Variants in ST8SIA6 observed in about 807,000 individuals in gnomAD.
ST8SIA6 encodes alpha-2,8-sialyltransferase 8F.
ST8SIA6 carries 39 observed loss-of-function variants against 33.6 expected under a neutral mutation model. The observed-to-expected ratio is 1.16, with a 90% CI of 0.90 to 1.52. The LOEUF (loss-of-function observed/expected upper bound fraction) is 1.52. Among genes scored for constraint, ST8SIA6 ranks in the 40% most tolerant of loss-of-function variants. ST8SIA6 has a pLI of 0.00. For missense variants in ST8SIA6, 441 were observed against 443.8 expected (o/e 0.99, Z 0.06); for synonymous variants, 172 against 167.2 (o/e 1.03, Z -0.22).
Position 17,321,251 on chromosome 10 carries a change from G to A in ST8SIA6, c.824C>T (p.Ala275Val). 6.2e-7 allele frequency: 1 copy of A among 1,613,932 alleles called. No homozygotes were observed. Among genetic ancestry groups the A allele is most frequent in the African/African-American group, 1.3e-5 (1 of 75,000 alleles). The stretch of plus-strand genomic sequence containing the variant: ...TACTTTGAAAGAGGTACCCGTGTTG[G>A]CCCTGAAGGAAAATGCTGGCAGAAG... The part of the protein sequence containing the change: ...FFLLPAFSFR[A>V]NTGTSFKVYY... Residue 275 changes from alanine (A) to valine (V), a missense_variant, in exon 8 of 8, where the codon GCC (alanine) becomes GTC (valine). By Grantham distance (64) the Ala-to-Val change is moderately conservative. Coordinates refer to ENST00000377602, the MANE Select transcript of ST8SIA6 (RefSeq NM_001004470.3).
intron 4 of ST8SIA6, among the ~76,000 whole-genome samples, chr10:17,338,734 C>T (rs1008568544): frequency 1.3e-5 from 2 of 152,176 alleles, no homozygotes; most frequent in East Asian, 1.9e-4. Flanking sequence ...GAACAATGCA[C>T]CCTAAAATAA....
chr10:17,334,887 C>A (rs952680294), intron 4 of ST8SIA6, among the ~76,000 whole-genome samples: 1 of 152,134 alleles, frequency 6.6e-6, no homozygotes, highest in African/African-American at 2.4e-5. Context: ...TATTTCATTT[C>A]TTTAATTCTC....
chr10:17,409,001 T>C (rs530376715), intron 2 of ST8SIA6, among the ~76,000 whole-genome samples: 1 of 151,962 alleles, frequency 6.6e-6, no homozygotes, highest in South Asian at 2.1e-4. Flanking sequence ...CAGGCTGGTC[T>C]CAAACTCCCA....
chr10:17,377,323 C>T (rs1293920472), intron 3 of ST8SIA6, among the ~76,000 whole-genome samples: 1 of 152,168 alleles, frequency 6.6e-6, no homozygotes, highest in African/African-American at 2.4e-5. Flanking sequence ...ACTTGGTCTG[C>T]CTCCACCCAG....
chr10:17,440,583 A>G (rs1262112887), intron 2 of ST8SIA6, among the ~76,000 whole-genome samples: 2 of 152,150 alleles, frequency 1.3e-5, no homozygotes, highest in African/African-American at 4.8e-5. Flanking sequence ...ATTCATAAGG[A>G]GTAGACAAAA....
chr10:17,366,444 CT>C lies in ST8SIA6; in HGVS notation c.291-6845del, dbSNP rs997055395. On this transcript the variant is annotated intron_variant, in intron 3 of 7. Coordinates refer to ENST00000377602, the MANE Select transcript of ST8SIA6 (RefSeq NM_001004470.3). ...ATTTGAAAAAGCCAGGCATCCTTTT[CT>C]TTTTTTTTTTCAAGGGATGCTTCCT... Among the ~76,000 whole-genome samples, 339 of 146,058 alleles carry C rather than the reference CT, an allele frequency of 2.3e-3. 1 individual carries two copies. Among genetic ancestry groups the C allele is most frequent in the East Asian group, 4.2e-3 (21 of 5,026 alleles).
At chr10:17,359,069 C>G (rs540284142) in intron 4 of ST8SIA6, among the ~76,000 whole-genome samples, 1 of 152,158 alleles carries the variant, frequency 6.6e-6, no homozygotes, top group Non-Finnish European at 1.5e-5. Flanking sequence ...AAGCAACTCA[C>G]GCCCCTGAAT....
intron 2 of ST8SIA6, among the ~76,000 whole-genome samples, chr10:17,392,103 AG>A (rs1482878704): frequency 4.6e-5 from 7 of 152,236 alleles, no homozygotes; most frequent in Non-Finnish European, 1.0e-4. Flanking sequence ...TAGGACAGAG[AG>A]GAAGAGAAAA....
chr10:17,374,071 C>CCACACACACACA (rs58234998), intron 3 of ST8SIA6, among the ~76,000 whole-genome samples: 8 of 139,114 alleles, frequency 5.8e-5, no homozygotes, highest in East Asian at 4.1e-4. Context: ...TCAACAACCA[C>CCACACACACACA]CACACACACA....
chr10:17,360,927 G>A (rs1322028952), intron 3 of ST8SIA6, among the ~76,000 whole-genome samples: 2 of 149,744 alleles, frequency 1.3e-5, no homozygotes, highest in Admixed American at 6.7e-5. Flanking sequence ...AAGGGAAGAA[G>A]AAGAGGAAAA....
Position 17,350,418 on chromosome 10 carries a change from A to C in ST8SIA6, c.377+9096T>G, listed in dbSNP as rs576365697. On this transcript the variant is annotated intron_variant, in intron 4 of 7. Coordinates refer to ENST00000377602, the MANE Select transcript of ST8SIA6 (RefSeq NM_001004470.3). ...ACCAAAGGAGTAGTTTATGTTATTA[A>C]GAAAACAGTGATCTAGCCCCAGCTA... Among the ~76,000 whole-genome samples, 14 of 152,314 alleles carry C rather than the reference A, an allele frequency of 9.2e-5. No homozygotes were observed. The East Asian group carries it at 2.7e-3, about 29-fold the overall frequency.
rs1417580155 is a variant in ST8SIA6 at position 17,454,437 on chromosome 10, G to GCGGAGAAGAAGCCGCGTT, written c.-200_-183dup. On this transcript the variant is annotated 5_prime_UTR_variant, in exon 1 of 8. Transcript: ENST00000377602. The surrounding 1 kb of genome is among the most constrained non-coding windows in gnomAD (Gnocchi z 4.1). ...CCACCCGGCAGAGTCTCCGCGGCGGGCGGAGAAGAAGCCGCGTTCGGGCTC... is the reference window on the plus strand; with the variant it reads ...CCACCCGGCAGAGTCTCCGCGGCGGGCGGAGAAGAAGCCGCGTTCGGAGAAGAAGCCGCGTTCGGGCTC... The GCGGAGAAGAAGCCGCGTT allele has an allele frequency of 3.2e-5, 5 of 156,970 alleles. No homozygotes were observed. Among genetic ancestry groups the GCGGAGAAGAAGCCGCGTT allele is most frequent in the African/African-American group, 1.2e-4 (5 of 41,438 alleles). The allele number at this position is 156,970 out of a possible 1,614,324, so 9.7% of individuals were successfully genotyped here.
intron 3 of ST8SIA6, among the ~76,000 whole-genome samples, chr10:17,364,705 AG>A (rs1257778859): frequency 2.0e-5 from 3 of 152,334 alleles, no homozygotes; most frequent in African/African-American, 7.2e-5. Context: ...TCATTTGAGG[AG>A]GAAAAACCAC....
intron 2 of ST8SIA6, among the ~76,000 whole-genome samples, chr10:17,418,026 G>A (rs1336482183): frequency 1.3e-5 from 2 of 152,138 alleles, no homozygotes; most frequent in East Asian, 3.9e-4. Flanking sequence ...AGAGGGTGTG[G>A]GAAATAAATA....
intron 3 of ST8SIA6, among the ~76,000 whole-genome samples, chr10:17,388,437 C>A (rs1362148913): frequency 6.6e-6 from 1 of 152,108 alleles, no homozygotes; most frequent in Non-Finnish European, 1.5e-5. Flanking sequence ...TCCAACACCC[C>A]CAGGGAAGGG....
chr10:17,374,769 T>TATATATATATATATATACACA (rs1564429132), intron 3 of ST8SIA6, among the ~76,000 whole-genome samples: 1 of 115,500 alleles, frequency 8.7e-6, no homozygotes, highest in Non-Finnish European at 1.8e-5. Context: ...ATATATATAT[T>TATATATATATATATATACACA]TAGCTCAACT....
chr10:17,371,782 T>TAAAAA (rs202019274), intron 3 of ST8SIA6, among the ~76,000 whole-genome samples: 4,577 of 87,430 alleles, frequency 0.052, 135 homozygotes, highest in Non-Finnish European at 0.069. Flanking sequence ...CAAGACTCCA[T>TAAAAA]TAAAAAAAAA....
At position 17,316,065 on chromosome 10, in the gene ST8SIA6, G is replaced by C. The variant is rs879281934; in HGVS notation, c.*4813C>G. Among the ~76,000 whole-genome samples the C allele has an allele frequency of 1.3e-5, 2 of 151,932 alleles. No homozygotes were observed. The highest frequency in any genetic ancestry group is 6.6e-5 in the Admixed American group (1 of 15,248). On this transcript the variant is annotated 3_prime_UTR_variant, in exon 8 of 8. Transcript: ENST00000377602. ...TCTATATTTATTTATGTAGTAGTAA[G>C]AATATCATATGTGAGTATAAGAATA... is the stretch of plus-strand genomic sequence containing the variant.
intron 4 of ST8SIA6, among the ~76,000 whole-genome samples, chr10:17,347,777 T>A (rs986211900): frequency 6.6e-6 from 1 of 151,674 alleles, no homozygotes; most frequent in East Asian, 1.9e-4. Flanking sequence ...CTACTAAAAA[T>A]ACAAAAAATT....
Sources: gnomAD v4.1 joint callset for allele counts (sites outside exome capture counted in the v4.1 genomes callset) on GRCh38, gnomAD v4.1.1 for gene constraint, Gnocchi (gnomAD v3.1) non-coding constraint, MANE v1.5 for transcripts, NCBI Gene and HGNC (gene_info 2026-07-23, HGNC 2026-07-21) for gene names.